The following DLG2 variants were observed in gnomAD, a reference collection of about 807,000 sequenced individuals.
The protein encoded by DLG2 is disks large homolog 2.
A neutral mutation model predicts 132.5 loss-of-function variants in DLG2; 45 were observed. The ratio of observed to expected loss-of-function variants is 0.34; its 90% CI spans 0.27 to 0.44. DLG2 has a LOEUF of 0.44. Ranked by LOEUF, DLG2 falls within the 20% of genes least tolerant of loss-of-function variation. The probability of loss-of-function intolerance (pLI) is 1.00; values close to 1 mark genes in which losing one functional copy is unlikely to be tolerated. For missense variants in DLG2, 1,045 were observed against 1,196.9 expected (o/e 0.87, Z 1.87); for synonymous variants, 424 against 419.6 (o/e 1.01, Z -0.13).
chr11:84,030,731 A>C (rs375587384), intron 11 of DLG2, among the ~76,000 whole-genome samples: 137 of 152,262 alleles, frequency 9.0e-4, no homozygotes, highest in African/African-American at 3.3e-3. Context: ...TGATAGACTA[A>C]GGTTAGAGTT....
chr11:85,502,501 G>A (rs1349955953), intron 3 of DLG2, among the ~76,000 whole-genome samples: 1 of 152,034 alleles, frequency 6.6e-6, no homozygotes, highest in Non-Finnish European at 1.5e-5. Context: ...TCCTTTGCAG[G>A]GACATGGATG....
At chr11:85,427,651 G>A (rs1299280637) in intron 3 of DLG2, among the ~76,000 whole-genome samples, 6 of 152,144 alleles carry the variant, frequency 3.9e-5, no homozygotes, top group Admixed American at 1.3e-4. Context: ...AGGAACAACC[G>A]GTATCAGCCA....
At chr11:85,352,207 A>G (rs1047105260) in intron 3 of DLG2, among the ~76,000 whole-genome samples, 2 of 152,154 alleles carry the variant, frequency 1.3e-5, no homozygotes, top group African/African-American at 4.8e-5. Flanking sequence ...AGACGTGTTT[A>G]TAGTATTCTC....
intron 15 of DLG2, among the ~76,000 whole-genome samples, chr11:83,926,818 G>A (rs965082834): frequency 6.6e-6 from 1 of 152,034 alleles, no homozygotes; most frequent in African/African-American, 2.4e-5. Context: ...GTCAAAAATG[G>A]AACCAGAATA....
chr11:84,775,476 C>T (rs758323398), intron 6 of DLG2, among the ~76,000 whole-genome samples: 1 of 152,032 alleles, frequency 6.6e-6, no homozygotes, highest in Non-Finnish European at 1.5e-5. Flanking sequence ...CATGTGTGTT[C>T]ATTGCAGCAC....
At chr11:84,730,266 A>G (rs2063000005) in intron 6 of DLG2, among the ~76,000 whole-genome samples, 2 of 152,128 alleles carry the variant, frequency 1.3e-5, no homozygotes, top group South Asian at 4.1e-4. Context: ...AGTACAAAAA[A>G]AGGGGAGGAG....
chr11:84,256,523 C>A (rs1244764640), intron 7 of DLG2, among the ~76,000 whole-genome samples: 1 of 152,134 alleles, frequency 6.6e-6, no homozygotes, highest in African/African-American at 2.4e-5. Flanking sequence ...GTACTAGGAA[C>A]TATGCAGGGA....
At chr11:84,433,520 C>G (rs2098991097) in intron 7 of DLG2, among the ~76,000 whole-genome samples, 1 of 152,188 alleles carries the variant, frequency 6.6e-6, no homozygotes, top group African/African-American at 2.4e-5. Context: ...TATTCTATCC[C>G]AGCCAGGCAA....
chr11:83,851,176 CA>C (rs34436884), intron 16 of DLG2, among the ~76,000 whole-genome samples: 119,064 of 130,078 alleles, frequency 0.92, 54,323 homozygotes, highest in Non-Finnish European at 0.94. Flanking sequence ...GACTCCGTCT[CA>C]AAAAAAAAAA....
intron 6 of DLG2, among the ~76,000 whole-genome samples, chr11:85,066,142 A>C (rs750164592): frequency 6.6e-6 from 1 of 151,720 alleles, no homozygotes. Flanking sequence ...TCAGAAATAG[A>C]AAAGATTATC....
rs150558822 is a variant in DLG2, at chr11:84,476,385, C to T, written c.519+58185G>A. ...TTCAAAACAAATATTTCATAATTTT[C>T]CTCTTTTAATCATTTCAACTGCATT... is the stretch of plus-strand genomic sequence containing the variant. On this transcript the variant is annotated intron_variant, in intron 7 of 27. Transcript: ENST00000376104. Among the ~76,000 whole-genome samples, 1,087 of 152,220 alleles carry T rather than the reference C, an allele frequency of 7.1e-3. 15 individuals carry two copies. The highest frequency in any genetic ancestry group is 0.023 in the African/African-American group (976 of 41,552).
intron 6 of DLG2, among the ~76,000 whole-genome samples, chr11:84,895,172 C>T (rs12269779): frequency 0.097 from 14,691 of 151,694 alleles, 925 homozygotes; most frequent in African/African-American, 0.18. Context: ...TGTAAAATGA[C>T]GTTTAAACAT....
At chr11:84,523,162 G>C (rs185294738) in intron 7 of DLG2, among the ~76,000 whole-genome samples, 57 of 152,222 alleles carry the variant, frequency 3.7e-4, no homozygotes, top group Middle Eastern at 3.4e-3. Flanking sequence ...ATTTAGATTT[G>C]TTCTTAGATA....
chr11:84,639,624 T>C (rs1398944712), intron 6 of DLG2, among the ~76,000 whole-genome samples: 1 of 152,150 alleles, frequency 6.6e-6, no homozygotes, highest in African/African-American at 2.4e-5. Flanking sequence ...CTTCTCAACT[T>C]ACATCTGCCT....
intron 3 of DLG2, among the ~76,000 whole-genome samples, chr11:85,503,894 T>C (rs1454380179): frequency 6.6e-6 from 1 of 152,084 alleles, no homozygotes; most frequent in Non-Finnish European, 1.5e-5. Flanking sequence ...ATCATGTCAC[T>C]GTACTCCAGC....
intron 7 of DLG2, among the ~76,000 whole-genome samples, chr11:84,468,925 A>G (rs2099101596): frequency 6.6e-6 from 1 of 151,528 alleles, no homozygotes; most frequent in South Asian, 2.1e-4. Flanking sequence ...GTAGGAAATT[A>G]GAATCAGGTA....
chr11:83,717,380 T>G (rs776907938), intron 18 of DLG2, among the ~76,000 whole-genome samples: 15 of 152,198 alleles, frequency 9.9e-5, no homozygotes, highest in Non-Finnish European at 1.9e-4. Flanking sequence ...TCCTAGATAT[T>G]AATGCAGATG....
chr11:84,548,931 A>T (rs2099396227), intron 6 of DLG2, among the ~76,000 whole-genome samples: 1 of 152,170 alleles, frequency 6.6e-6, no homozygotes, highest in Admixed American at 6.5e-5. Context: ...TATTACTTTC[A>T]TTTTTTGGAG....
intron 6 of DLG2, among the ~76,000 whole-genome samples, chr11:84,661,492 A>G (rs2099694401): frequency 6.6e-6 from 1 of 152,228 alleles, no homozygotes; most frequent in South Asian, 2.1e-4. Context: ...TAAATATGAT[A>G]TGTTTGTAAA....
Sources: allele counts gnomAD v4.1 joint callset (sites outside exome capture counted in the v4.1 genomes callset), GRCh38; gene constraint gnomAD v4.1.1; transcripts MANE v1.5; gene names NCBI Gene and HGNC (gene_info 2026-07-23, HGNC 2026-07-21).